Variants in ZNF385D observed in about 807,000 individuals in gnomAD.
The protein encoded by ZNF385D is zinc finger protein 659.
A neutral mutation model predicts 35.8 loss-of-function variants in ZNF385D; 15 were observed. The ratio of observed to expected loss-of-function variants is 0.42; its 90% CI spans 0.28 to 0.64. ZNF385D has a LOEUF of 0.64. Ranked by LOEUF, ZNF385D falls within the 30% of genes least tolerant of loss-of-function variation. The pLI, the probability that ZNF385D is intolerant of heterozygous loss-of-function variation, is 0.23. For synonymous variants in ZNF385D, 212 were observed against 186.8 expected (o/e 1.13, Z -1.10); for missense variants, 474 against 494.6 (o/e 0.96, Z 0.39).
At chr3:21,856,140 C>A (rs1696700260) in intron 3 of ZNF385D, among the ~76,000 whole-genome samples, 2 of 151,998 alleles carry the variant, frequency 1.3e-5, no homozygotes, top group African/African-American at 4.8e-5. Flanking sequence ...TTGCTATAAT[C>A]TCCAAGATAA....
Position 21,872,165 on chromosome 3 carries a change from T to A in ZNF385D, c.326-207137A>T, listed in dbSNP as rs147793207. On this transcript the variant is annotated intron_variant, in intron 3 of 5. Coordinates refer to the ZNF385D transcript ENST00000494108. ...CATATTAGAACAGATCATTTATAAGTTAAAAACACACAAATTACACACAAA... is the reference window on the plus strand; with the variant it reads ...CATATTAGAACAGATCATTTATAAGATAAAAACACACAAATTACACACAAA... Among the ~76,000 whole-genome samples the A allele has an allele frequency of 2.0e-3, 304 of 152,294 alleles. 4 individuals are homozygous for A. Among genetic ancestry groups the A allele is most frequent in the African/African-American group, 7.0e-3 (292 of 41,578 alleles).
At chr3:22,018,401 G>C (rs888676425) in intron 3 of ZNF385D, among the ~76,000 whole-genome samples, 20 of 151,374 alleles carry the variant, frequency 1.3e-4, no homozygotes, top group Admixed American at 4.0e-4. Context: ...TTACATCTTT[G>C]TAACTTTTCC....
chr3:21,841,346 C>A (rs2125787325), intron 3 of ZNF385D, among the ~76,000 whole-genome samples: 1 of 151,996 alleles, frequency 6.6e-6, no homozygotes, highest in South Asian at 2.1e-4. Context: ...CTATAAATAT[C>A]CATTTATGTA....
chr3:22,330,012 T>C (rs1419907744), intron 2 of ZNF385D, among the ~76,000 whole-genome samples: 2 of 152,220 alleles, frequency 1.3e-5, no homozygotes, highest in Non-Finnish European at 2.9e-5. Context: ...CTATGCTCTG[T>C]ATTGCTTAAT....
intron 3 of ZNF385D, among the ~76,000 whole-genome samples, chr3:21,526,855 G>A (rs1006014582): frequency 5.9e-5 from 9 of 152,268 alleles, no homozygotes; most frequent in African/African-American, 1.7e-4. Context: ...CCCATCTGAC[G>A]CGATCGTTCT....
intron 2 of ZNF385D, among the ~76,000 whole-genome samples, chr3:21,608,009 C>CTT (rs2064535526): frequency 1.2e-5 from 1 of 83,110 alleles, no homozygotes; most frequent in African/African-American, 4.3e-5. Context: ...AATTCTTTTT[C>CTT]TTCTTTTTTT....
chr3:22,255,209 A>T (rs1700253798), intron 2 of ZNF385D, among the ~76,000 whole-genome samples: 3 of 151,714 alleles, frequency 2.0e-5, no homozygotes, highest in Admixed American at 1.3e-4. Flanking sequence ...AAAGAAAAAA[A>T]CTTTGTAATC....
intron 3 of ZNF385D, among the ~76,000 whole-genome samples, chr3:21,887,478 T>C (rs570816753): frequency 7.9e-5 from 12 of 152,278 alleles, no homozygotes; most frequent in African/African-American, 2.4e-4. Flanking sequence ...GTAAATTCTA[T>C]AGAAACAAAA....
At chr3:21,687,954 G>A (rs2067161003) in intron 1 of ZNF385D, among the ~76,000 whole-genome samples, 1 of 151,888 alleles carries the variant, frequency 6.6e-6, no homozygotes, top group East Asian at 1.9e-4. Context: ...GAATGCAGTA[G>A]CACGGTCACA....
At chr3:21,893,796 A>T (rs1699000714) in intron 3 of ZNF385D, among the ~76,000 whole-genome samples, 1 of 152,206 alleles carries the variant, frequency 6.6e-6, no homozygotes, top group South Asian at 2.1e-4. Context: ...TATCAAAGCC[A>T]TGGTTGTAAA....
chr3:22,160,020 T>C (rs1705845059), intron 3 of ZNF385D, among the ~76,000 whole-genome samples: 1 of 151,982 alleles, frequency 6.6e-6, no homozygotes, highest in African/African-American at 2.4e-5. Flanking sequence ...AATTGAATCA[T>C]GGGGCCAGTT....
intron 3 of ZNF385D, among the ~76,000 whole-genome samples, chr3:22,125,128 G>C (rs745480704): frequency 6.6e-6 from 1 of 151,976 alleles, no homozygotes; most frequent in Non-Finnish European, 1.5e-5. Flanking sequence ...CCATTCTTTT[G>C]CATACATATG....
intron 4 of ZNF385D, among the ~76,000 whole-genome samples, chr3:21,492,352 G>A (rs1279394806): frequency 2.0e-5 from 3 of 151,566 alleles, no homozygotes; most frequent in Non-Finnish European, 4.4e-5. Flanking sequence ...CAAATTGAAT[G>A]GGTTTGCTTT....
At position 21,895,913 on chromosome 3, in the gene ZNF385D, CA is replaced by C. The variant is rs141580735; in HGVS notation, c.326-230886del. Among the ~76,000 whole-genome samples, 1,038 of 152,094 alleles carry C rather than the reference CA, an allele frequency of 6.8e-3. 11 individuals are homozygous for C. Among genetic ancestry groups the C allele is most frequent in the African/African-American group, 0.024 (984 of 41,482 alleles). ...CTAGAAGTTTGATTTACATTAAAAT[CA>C]AAAATTTTGTGTCTAATTTGTAGAA... On this transcript the variant is annotated intron_variant, in intron 3 of 5. Coordinates refer to the ZNF385D transcript ENST00000494108.
chr3:21,925,799 A>G (rs548227892), intron 3 of ZNF385D, among the ~76,000 whole-genome samples: 1 of 152,246 alleles, frequency 6.6e-6, no homozygotes, highest in East Asian at 1.9e-4. Context: ...AACCCAAGCA[A>G]TCCAATTAGA....
intron 2 of ZNF385D, among the ~76,000 whole-genome samples, chr3:22,284,177 TTTTG>T (rs143956125): frequency 0.33 from 49,638 of 151,212 alleles, 8,369 homozygotes; most frequent in Non-Finnish European, 0.37. Context: ...AACACAGGAT[TTTTG>T]TTTGTTTGTT....
chr3:22,048,485 G>T (rs566123313), intron 3 of ZNF385D, among the ~76,000 whole-genome samples: 6 of 152,094 alleles, frequency 3.9e-5, no homozygotes, highest in African/African-American at 1.4e-4. Flanking sequence ...TTCCCAGCCC[G>T]ATTTGTTGAA....
At chr3:21,931,684 G>C (rs955796418) in intron 3 of ZNF385D, among the ~76,000 whole-genome samples, 1 of 152,186 alleles carries the variant, frequency 6.6e-6, no homozygotes, top group Non-Finnish European at 1.5e-5. Context: ...GATGCCTTCG[G>C]CTGGGGTGAG....
chr3:21,988,645 A>C (rs1163201430), intron 3 of ZNF385D, among the ~76,000 whole-genome samples: 1 of 151,450 alleles, frequency 6.6e-6, no homozygotes, highest in African/African-American at 2.4e-5. Context: ...CTGCCCGCAG[A>C]GGTGGAGCCT....
Sources: allele counts gnomAD v4.1 joint callset (sites outside exome capture counted in the v4.1 genomes callset), GRCh38; gene constraint gnomAD v4.1.1; transcripts MANE v1.5; gene names NCBI Gene and HGNC (gene_info 2026-07-23, HGNC 2026-07-21).